Variants in ANKRD6 observed in about 807,000 individuals in gnomAD.
The protein encoded by ANKRD6 is ankyrin repeat domain 6.
Under a neutral mutation model 82.3 loss-of-function variants are expected in ANKRD6, and 56 were observed. The ratio of observed to expected loss-of-function variants is 0.68; its 90% CI spans 0.55 to 0.85. The LOEUF (loss-of-function observed/expected upper bound fraction) is 0.85, where lower values mean the gene tolerates loss of function less well. Ranked by LOEUF, ANKRD6 falls within the 40% of genes least tolerant of loss-of-function variation. The pLI, the probability that ANKRD6 is intolerant of heterozygous loss-of-function variation, is 0.00. For missense variants in ANKRD6, 852 were observed against 907.6 expected, an observed-to-expected ratio of 0.94 and a Z score of 0.79; for synonymous variants, 347 against 352.1, an observed-to-expected ratio of 0.99 and a Z score of 0.16.
At chr6:89,510,246 C>T (rs1214145113) in intron 1 of ANKRD6, among the ~76,000 whole-genome samples, 1 of 152,200 alleles carries the variant, frequency 6.6e-6, no homozygotes, top group African/African-American at 2.4e-5. Context: ...TGTTATTTAG[C>T]CACTGAGATT....
At chr6:89,472,512 G>C (rs1319924195) in intron 1 of ANKRD6, among the ~76,000 whole-genome samples, 2 of 152,126 alleles carry the variant, frequency 1.3e-5, no homozygotes, top group Admixed American at 1.3e-4. Flanking sequence ...TGAAAGATCT[G>C]ACTACACTTA....
At chr6:89,540,770 T>G (rs1041884816) in intron 1 of ANKRD6, among the ~76,000 whole-genome samples, 1 of 152,232 alleles carries the variant, frequency 6.6e-6, no homozygotes, top group Non-Finnish European at 1.5e-5. Context: ...GTATTAGATT[T>G]AAGTCTTTAA....
intron 9 of ANKRD6, chr6:89,621,312 C>T (rs1201056126): frequency 6.5e-6 from 1 of 154,626 alleles, no homozygotes; most frequent in Non-Finnish European, 1.4e-5. Flanking sequence ...TGTTCTGACC[C>T]ACCTATGTTT....
intron 4 of ANKRD6, among the ~76,000 whole-genome samples, chr6:89,604,743 A>G (rs1452364920): frequency 6.6e-6 from 1 of 151,946 alleles, no homozygotes; most frequent in Non-Finnish European, 1.5e-5. Context: ...TGCCCGGGCC[A>G]CACACCGCCA....
intron 1 of ANKRD6, among the ~76,000 whole-genome samples, chr6:89,517,013 T>G (rs1781314403): frequency 6.6e-6 from 1 of 152,164 alleles, no homozygotes; most frequent in Non-Finnish European, 1.5e-5. Flanking sequence ...AGACTATAGG[T>G]GCATACCACC....
At chr6:89,519,763 T>TA (rs1175771793) in intron 1 of ANKRD6, among the ~76,000 whole-genome samples, 2 of 152,356 alleles carry the variant, frequency 1.3e-5, no homozygotes, top group East Asian at 3.9e-4. Context: ...AACTGTGGTC[T>TA]ACACTGTTTC....
chr6:89,510,999 T>C (rs1455488377), intron 1 of ANKRD6, among the ~76,000 whole-genome samples: 2 of 152,090 alleles, frequency 1.3e-5, no homozygotes, highest in African/African-American at 4.8e-5. Context: ...GCTGACAACA[T>C]CTCCTCTTCA....
At chr6:89,491,028 C>T (rs528503854) in intron 1 of ANKRD6, among the ~76,000 whole-genome samples, 5 of 152,178 alleles carry the variant, frequency 3.3e-5, no homozygotes, top group African/African-American at 1.2e-4. Flanking sequence ...GGCCATGTGA[C>T]GAGTGAGACT....
intron 1 of ANKRD6, among the ~76,000 whole-genome samples, chr6:89,449,029 CAAA>C (rs368751340): frequency 3.8e-5 from 2 of 52,408 alleles, no homozygotes; most frequent in East Asian, 5.6e-4. Flanking sequence ...GACTCCGTCT[CAAA>C]AAAAAAAAAA....
chr6:89,589,339 C>T (rs1373351868), intron 2 of ANKRD6, among the ~76,000 whole-genome samples: 1 of 152,140 alleles, frequency 6.6e-6, no homozygotes, highest in Non-Finnish European at 1.5e-5. Flanking sequence ...GGCTCTGGTT[C>T]GCCTCCTTCC....
intron 2 of ANKRD6, among the ~76,000 whole-genome samples, chr6:89,581,198 A>G (rs1792441156): frequency 6.6e-6 from 1 of 152,110 alleles, no homozygotes; most frequent in Non-Finnish European, 1.5e-5. Context: ...GGCTTAACCA[A>G]TCCCCTATTG....
At chr6:89,454,521 T>G (rs769203516) in intron 1 of ANKRD6, among the ~76,000 whole-genome samples, 1 of 152,202 alleles carries the variant, frequency 6.6e-6, no homozygotes, top group African/African-American at 2.4e-5. Context: ...ATGTAATTGG[T>G]CACTGATCGT....
At chr6:89,444,812 A>G (rs913233741) in intron 1 of ANKRD6, among the ~76,000 whole-genome samples, 1 of 152,060 alleles carries the variant, frequency 6.6e-6, no homozygotes, top group Non-Finnish European at 1.5e-5. Context: ...TACTAAAAAT[A>G]AAAAAATTAG....
Position 89,603,057 on chromosome 6 carries a change from CAGT to C in ANKRD6, c.249_251del (p.Val85del). The C allele has an allele frequency of 6.2e-7, 1 of 1,608,546 alleles. No individual in the cohort carries two copies. On this transcript the variant is annotated inframe_deletion, in exon 4 of 16. Coordinates refer to ENST00000339746, the MANE Select transcript of ANKRD6 (RefSeq NM_001242809.2). Reference sequence around the variant, plus strand: ...GACCAGACCGCCTTGCACCGGGCCACAGTGGTGGGGAACACGGAGATCATCGCG... The same window carrying C: ...GACCAGACCGCCTTGCACCGGGCCACGGTGGGGAACACGGAGATCATCGCG...
chr6:89,541,360 T>C (rs955929153), intron 1 of ANKRD6, among the ~76,000 whole-genome samples: 1 of 151,382 alleles, frequency 6.6e-6, no homozygotes, highest in Non-Finnish European at 1.5e-5. Flanking sequence ...GTTAAGTTTA[T>C]TTCTAGGTAT....
At chr6:89,513,883 C>T (rs946560435) in intron 1 of ANKRD6, among the ~76,000 whole-genome samples, 1 of 152,194 alleles carries the variant, frequency 6.6e-6, no homozygotes, top group African/African-American at 2.4e-5. Flanking sequence ...TTCACTATTT[C>T]TATAGATAAA....
At chr6:89,569,561 A>T (rs142759062) in intron 2 of ANKRD6, among the ~76,000 whole-genome samples, 1 of 152,180 alleles carries the variant, frequency 6.6e-6, no homozygotes, top group Non-Finnish European at 1.5e-5. Flanking sequence ...AAATTTATAT[A>T]CAAGTTTTTG....
At chr6:89,493,628 G>T (rs1469767457) in intron 1 of ANKRD6, among the ~76,000 whole-genome samples, 1 of 151,968 alleles carries the variant, frequency 6.6e-6, no homozygotes, top group Non-Finnish European at 1.5e-5. Context: ...GCCCAGGCTG[G>T]TCTCGAACTC....
At chr6:89,532,859 G>A (rs1030622852) in intron 1 of ANKRD6, among the ~76,000 whole-genome samples, 3 of 150,848 alleles carry the variant, frequency 2.0e-5, no homozygotes. Context: ...GTGCCACCAT[G>A]TCCAGCTGAT....
Sources: allele counts gnomAD v4.1 joint callset (sites outside exome capture counted in the v4.1 genomes callset), GRCh38; gene constraint gnomAD v4.1.1; transcripts MANE v1.5; gene names NCBI Gene and HGNC (gene_info 2026-07-23, HGNC 2026-07-21).